The following IL16 variants were observed in gnomAD, a reference collection of about 807,000 sequenced individuals.
IL16 encodes the protein interleukin 16.
A neutral mutation model predicts 110.1 loss-of-function variants in IL16; 67 were observed. The observed-to-expected ratio is 0.61, with a 90% CI of 0.50 to 0.75. The LOEUF is 0.75. Ranked by LOEUF, IL16 falls within the 30% of genes least tolerant of loss-of-function variation. IL16 has a pLI of 0.00. For synonymous variants in IL16, 689 were observed against 662.9 expected (o/e 1.04, Z -0.61); for missense variants, 1,545 against 1,655.0 (o/e 0.93, Z 1.15).
chr15:81,197,077 G>C lies in IL16; in HGVS notation c.-177G>C, dbSNP rs114073584. 7.2e-4 allele frequency: 924 copies of C among 1,288,908 alleles called. 6 individuals carry two copies. In the African/African-American group the frequency reaches 0.013, roughly 18 times the overall value. 79.8% of individuals were successfully genotyped at this position (1,288,908 alleles called of 1,614,324 possible). The stretch of plus-strand genomic sequence containing the variant: ...GGGAATAAGTGGTGCTGCAATCCCT[G>C]CTGGGCAGATGGAGAGAGGAGCAAG... On this transcript the variant is annotated 5_prime_UTR_variant, in exon 1 of 19. Coordinates refer to ENST00000683961, the MANE Select transcript of IL16 (RefSeq NM_172217.5).
At chr15:81,304,191 G>A (rs1900435850) in intron 16 of IL16, among the ~76,000 whole-genome samples, 1 of 152,234 alleles carries the variant, frequency 6.6e-6, no homozygotes, top group Non-Finnish European at 1.5e-5. Flanking sequence ...AATCATGTCA[G>A]TGGTGACTTC....
At chr15:81,278,232 C>T (rs1389138597) in intron 6 of IL16, among the ~76,000 whole-genome samples, 1 of 152,002 alleles carries the variant, frequency 6.6e-6, no homozygotes, top group Non-Finnish European at 1.5e-5. Flanking sequence ...AAGACAAAAT[C>T]CCTGTCCCCA....
intron 10 of IL16, among the ~76,000 whole-genome samples, chr15:81,288,850 C>CGCGT (rs1899577049): frequency 1.2e-5 from 1 of 81,412 alleles, no homozygotes; most frequent in South Asian, 4.9e-4. Context: ...TGTGTGTGTG[C>CGCGT]GTGTGTGTGT....
At chr15:81,231,326 CTCTCTCTCT>C (rs1896969237) in intron 2 of IL16, among the ~76,000 whole-genome samples, 1 of 65,988 alleles carries the variant, frequency 1.5e-5, no homozygotes, top group African/African-American at 9.2e-5. Flanking sequence ...GTCGGTCTGT[CTCTCTCTCT>C]CTCTCTCTCT....
chr15:81,197,979 A>G (rs8043088), intron 1 of IL16, among the ~76,000 whole-genome samples: 36,056 of 151,406 alleles, frequency 0.24, 5,874 homozygotes, highest in East Asian at 0.48. Context: ...TCCCCTTCCT[A>G]TTTCTCCAGT....
chr15:81,227,954 G>C (rs551895529), intron 2 of IL16, among the ~76,000 whole-genome samples: 1 of 152,298 alleles, frequency 6.6e-6, no homozygotes, highest in South Asian at 2.1e-4. Context: ...CCTGGGGGTA[G>C]TAGGGGAAGG....
Position 81,279,629 on chromosome 15 carries a change from C to T in IL16, c.936C>T (p.His312=). ...RLTAPPSLCS[H]LSPPLCRSLS... is the part of the protein sequence containing the mutation. ...CGGCGCCTCCTTCCCTGTGCAGCCA[C>T]CTGTCTCCCCCACTGTGCCGCTCCC... The change falls in exon 8 of 19, where the codon CAC becomes CAT. Residue 312 remains histidine, a synonymous_variant. Transcript: ENST00000683961. 1 of 1,614,222 alleles carries T rather than the reference C, an allele frequency of 6.2e-7. No homozygotes were observed. The highest frequency in any genetic ancestry group is 1.3e-5 in the African/African-American group (1 of 75,076).
At chr15:81,297,155 G>A in intron 13 of IL16, 77 bp downstream of exon 13, 4 of 1,437,598 alleles carry the variant, frequency 2.8e-6, no homozygotes, top group African/African-American at 1.4e-5. Flanking sequence ...AGCACAAATT[G>A]GCCTGAGGAT....
At chr15:81,292,256 G>T (rs775509406) in intron 11 of IL16, 16 of 435,828 alleles carry the variant, frequency 3.7e-5, no homozygotes, top group South Asian at 3.3e-4. Flanking sequence ...AAAGTAGTCT[G>T]CCAGCAGCAC....
At chr15:81,197,738 TC>T (rs1355551363) in intron 1 of IL16, among the ~76,000 whole-genome samples, 1 of 151,824 alleles carries the variant, frequency 6.6e-6, no homozygotes, top group African/African-American at 2.4e-5. Context: ...TTTGTTTTTT[TC>T]TTTTTTGGTC....
intron 1 of IL16, among the ~76,000 whole-genome samples, chr15:81,220,383 G>C (rs987554334): frequency 3.3e-5 from 5 of 152,120 alleles, no homozygotes; most frequent in Non-Finnish European, 7.4e-5. Flanking sequence ...TTGAACTCCT[G>C]AGCTCAAGCA....
upstream of IL16, among the ~76,000 whole-genome samples, chr15:81,192,568 A>G (rs1438161368): frequency 6.6e-6 from 1 of 152,232 alleles, no homozygotes; most frequent in African/African-American, 2.4e-5. Context: ...TGATCATACC[A>G]CTACCCTGCA....
intron 18 of IL16, among the ~76,000 whole-genome samples, chr15:81,307,993 G>A (rs1057310290): frequency 6.6e-5 from 10 of 152,208 alleles, no homozygotes. Context: ...CAGGATTTGT[G>A]AAGATCACTG....
rs1016597723 is a variant in IL16, at chr15:81,299,244, C to T, written c.2054-136C>T. The T allele has an allele frequency of 2.0e-6, 3 of 1,475,402 alleles. No individual in the cohort carries two copies. The African/African-American group carries it at 4.1e-5, about 20-fold the overall frequency. 91.4% of individuals were successfully genotyped at this position (1,475,402 alleles called of 1,614,324 possible). ...TCAGGTAATAGCACCTGGAGTTCAC[C>T]CACCTGGGTGTCCCCCACTTCTGCT... On this transcript the variant is annotated intron_variant, in intron 13 of 18. Transcript: ENST00000683961.
intron 1 of IL16, among the ~76,000 whole-genome samples, chr15:81,198,881 G>A (rs909787584): frequency 6.7e-6 from 1 of 150,356 alleles, no homozygotes; most frequent in Admixed American, 6.6e-5. Context: ...TTAGCCAGGC[G>A]TGGAGGCACA....
upstream of IL16, among the ~76,000 whole-genome samples, chr15:81,195,683 C>G (rs189197542): frequency 6.6e-6 from 1 of 152,140 alleles, no homozygotes; most frequent in East Asian, 1.9e-4. Context: ...CATTAAAGCC[C>G]CCAGGAAGCC....
chr15:81,232,054 T>TTTTTTTTTTTTC (rs1897018888), intron 2 of IL16, among the ~76,000 whole-genome samples: 1 of 133,544 alleles, frequency 7.5e-6, no homozygotes, highest in Non-Finnish European at 1.5e-5. Context: ...TTTTTTTTTT[T>TTTTTTTTTTTTC]TTTTTTTTTT....
intron 1 of IL16, among the ~76,000 whole-genome samples, chr15:81,209,605 T>C (rs145503349): frequency 0.014 from 2,095 of 152,180 alleles, 33 homozygotes; most frequent in East Asian, 0.057. Context: ...GTTTCAGTTG[T>C]CTAAGCAAGT....
chr15:81,271,465 G>A (rs1018727734), intron 5 of IL16, among the ~76,000 whole-genome samples: 1 of 151,986 alleles, frequency 6.6e-6, no homozygotes, highest in Non-Finnish European at 1.5e-5. Context: ...AGAGGGAGAC[G>A]CTATCTCTAA....
Sources: allele counts gnomAD v4.1 joint callset (sites outside exome capture counted in the v4.1 genomes callset), GRCh38; gene constraint gnomAD v4.1.1; transcripts MANE v1.5; gene names NCBI Gene and HGNC (gene_info 2026-07-23, HGNC 2026-07-21).